The following ARHGAP15 variants were observed in gnomAD, a reference collection of about 807,000 sequenced individuals.
ARHGAP15 encodes Rho GTPase activating protein 15.
Under a neutral mutation model 63.7 loss-of-function variants are expected in ARHGAP15, and 51 were observed. The ratio of observed to expected loss-of-function variants is 0.80; its 90% CI spans 0.64 to 1.01. The LOEUF is 1.01. Among genes scored for constraint, ARHGAP15 ranks in the 50% least tolerant of loss-of-function variants. The pLI is 0.00. For missense variants in ARHGAP15, 560 were observed against 564.6 expected (o/e 0.99, Z 0.08); for synonymous variants, 191 against 193.8 (o/e 0.99, Z 0.12).
chr2:143,461,108 G>GGT (rs1006604454), intron 8 of ARHGAP15, among the ~76,000 whole-genome samples: 34 of 151,784 alleles, frequency 2.2e-4, no homozygotes, highest in African/African-American at 7.7e-4. Context: ...TGGCCAACAT[G>GGT]GTGAAACCCT....
chr2:143,157,329 T>C (rs1690121000), intron 2 of ARHGAP15, among the ~76,000 whole-genome samples: 1 of 151,984 alleles, frequency 6.6e-6, no homozygotes, highest in Admixed American at 6.6e-5. Flanking sequence ...TGAGCATTTC[T>C]GTATCCAGCT....
rs4008348 is a variant in ARHGAP15, at chr2:143,145,839, GGTGTGTGTGTGTGTGTGTGT to G, written c.-14-9617_-14-9598del. Among the ~76,000 whole-genome samples, 72 of 142,824 alleles carry G rather than the reference GGTGTGTGTGTGTGTGTGTGT, an allele frequency of 5.0e-4. 1 individual carries two copies. The East Asian group carries it at 8.9e-3, about 18-fold the overall frequency. The allele number at this position is 142,824 out of a possible 152,430, so 93.7% of individuals were successfully genotyped here. ...TCCTTCCAATTTATATATGTATAGG[GGTGTGTGTGTGTGTGTGTGT>G]GTGTGTGTGTGTGTGTGTGTATAAT... On this transcript the variant is annotated intron_variant, in intron 1 of 13. Coordinates refer to ENST00000295095, the MANE Select transcript of ARHGAP15 (RefSeq NM_018460.4).
intron 8 of ARHGAP15, among the ~76,000 whole-genome samples, chr2:143,438,981 C>A (rs1424981631): frequency 6.6e-6 from 1 of 151,988 alleles, no homozygotes; most frequent in African/African-American, 2.4e-5. Flanking sequence ...ATAATGAATT[C>A]TCTATTAAGT....
At chr2:143,135,817 T>C (rs73962342) in intron 1 of ARHGAP15, among the ~76,000 whole-genome samples, 2,320 of 152,330 alleles carry the variant, frequency 0.015, 62 homozygotes, top group African/African-American at 0.054. Flanking sequence ...TGGAATGTCC[T>C]GAGATCAGTC....
At chr2:143,386,595 A>G (rs1297128908) in intron 6 of ARHGAP15, among the ~76,000 whole-genome samples, 1 of 152,178 alleles carries the variant, frequency 6.6e-6, no homozygotes. Flanking sequence ...CTCACATAAT[A>G]AAGGGCCAAC....
At chr2:143,283,002 G>A (rs879751627) in intron 6 of ARHGAP15, among the ~76,000 whole-genome samples, 5 of 152,088 alleles carry the variant, frequency 3.3e-5, no homozygotes, top group Non-Finnish European at 7.4e-5. Flanking sequence ...ATTGTTTTCC[G>A]TGAAAGCTAA....
At chr2:143,696,254 G>T (rs961652899) in intron 12 of ARHGAP15, among the ~76,000 whole-genome samples, 35 of 151,846 alleles carry the variant, frequency 2.3e-4, no homozygotes, top group African/African-American at 8.2e-4. Flanking sequence ...GACACCTTTT[G>T]TAATTTATCT....
intron 6 of ARHGAP15, among the ~76,000 whole-genome samples, chr2:143,385,543 A>T (rs2104952409): frequency 6.6e-6 from 1 of 152,214 alleles, no homozygotes; most frequent in East Asian, 1.9e-4. Flanking sequence ...TACTAAAATT[A>T]CCTGAATGTA....
At chr2:143,488,494 T>C (rs774453624) in intron 9 of ARHGAP15, among the ~76,000 whole-genome samples, 1 of 152,204 alleles carries the variant, frequency 6.6e-6, no homozygotes, top group Non-Finnish European at 1.5e-5. Context: ...TTTTCAAATT[T>C]TCTAGCTTAT....
intron 13 of ARHGAP15, among the ~76,000 whole-genome samples, chr2:143,733,496 C>T (rs184544322): frequency 6.6e-6 from 1 of 152,174 alleles, no homozygotes; most frequent in African/African-American, 2.4e-5. Flanking sequence ...AGAACCCAGA[C>T]TTCAATTCCC....
chr2:143,568,606 G>A (rs374545005), intron 11 of ARHGAP15, among the ~76,000 whole-genome samples: 3 of 152,170 alleles, frequency 2.0e-5, no homozygotes, highest in African/African-American at 2.4e-5. Flanking sequence ...ACAGTGTGGC[G>A]ATTCCTCAAG....
chr2:143,582,618 A>G (rs1696955781), intron 11 of ARHGAP15, among the ~76,000 whole-genome samples: 1 of 152,164 alleles, frequency 6.6e-6, no homozygotes, highest in Middle Eastern at 3.2e-3. Flanking sequence ...ACAATTTGGA[A>G]ATTCATTTCT....
intron 6 of ARHGAP15, among the ~76,000 whole-genome samples, chr2:143,273,805 C>T (rs1050184538): frequency 6.6e-6 from 1 of 152,086 alleles, no homozygotes; most frequent in Non-Finnish European, 1.5e-5. Flanking sequence ...TCCTATAAAA[C>T]TTCATCCAGT....
At position 143,224,530 on chromosome 2, in the gene ARHGAP15, T is replaced by G. The variant is rs549478772; in HGVS notation, c.297-4051T>G. On this transcript the variant is annotated intron_variant, in intron 4 of 13. Transcript: ENST00000295095. ...TAGAGGGACTTCCTAGTGCAAAAAC[T>G]GTGTTTATCCTAGAAAATAGTCTAT... is the stretch of plus-strand genomic sequence containing the variant. Among the ~76,000 whole-genome samples, 185 of 152,286 alleles carry G rather than the reference T, an allele frequency of 1.2e-3. 1 individual carries two copies. The highest frequency in any genetic ancestry group is 3.7e-3 in the African/African-American group (152 of 41,548).
chr2:143,379,253 A>G (rs925553988), intron 6 of ARHGAP15, among the ~76,000 whole-genome samples: 2 of 152,030 alleles, frequency 1.3e-5, no homozygotes, highest in African/African-American at 2.4e-5. Flanking sequence ...CCAAGCATCC[A>G]AGCATAAATT....
chr2:143,724,696 G>A (rs1284629863), intron 13 of ARHGAP15, among the ~76,000 whole-genome samples: 1 of 152,186 alleles, frequency 6.6e-6, no homozygotes, highest in Non-Finnish European at 1.5e-5. Context: ...AACCATGAAA[G>A]TGCGTGCATT....
At chr2:143,257,695 T>C (rs1335111714) in intron 6 of ARHGAP15, among the ~76,000 whole-genome samples, 1 of 152,144 alleles carries the variant, frequency 6.6e-6, no homozygotes, top group Non-Finnish European at 1.5e-5. Context: ...TCCTGTGGCT[T>C]GCAACGCACT....
At chr2:143,648,897 G>A (rs1445018060) in intron 12 of ARHGAP15, 3 of 151,924 alleles carry the variant, frequency 2.0e-5, no homozygotes, top group Non-Finnish European at 4.4e-5. Context: ...CAGTAAGGTA[G>A]TCTTTGCAGT....
intron 13 of ARHGAP15, among the ~76,000 whole-genome samples, chr2:143,755,520 A>G (rs1486905712): frequency 6.6e-6 from 1 of 152,112 alleles, no homozygotes; most frequent in Non-Finnish European, 1.5e-5. Flanking sequence ...CTTTCACATC[A>G]TGGCTTTTTG....
Sources: allele counts gnomAD v4.1 joint callset (sites outside exome capture counted in the v4.1 genomes callset), GRCh38; gene constraint gnomAD v4.1.1; transcripts MANE v1.5; gene names NCBI Gene and HGNC (gene_info 2026-07-23, HGNC 2026-07-21).